The following CFAP91 variants were observed in gnomAD, a reference collection of about 807,000 sequenced individuals.
CFAP91 encodes the protein cilia- and flagella-associated protein 91.
CFAP91 carries 85 observed loss-of-function variants against 95.9 expected under a neutral mutation model. The observed-to-expected ratio is 0.89, with a 90% CI of 0.74 to 1.06. CFAP91 has a LOEUF of 1.06. CFAP91 is among the 50% of genes least tolerant of loss of function. CFAP91 has a pLI of 0.00. For synonymous variants in CFAP91, 335 were observed against 327.5 expected (o/e 1.02, Z -0.25); for missense variants, 962 against 943.4 (o/e 1.02, Z -0.26).
At chr3:119,724,466 A>G (rs897756300) in intron 6 of CFAP91, among the ~76,000 whole-genome samples, 1 of 152,126 alleles carries the variant, frequency 6.6e-6, no homozygotes, top group Non-Finnish European at 1.5e-5. Flanking sequence ...TATGATTTTC[A>G]TAGTTATTTT....
In CFAP91 at chr3:119,740,544, T is replaced by TA. The variant is rs750654298; in HGVS notation, c.1534-4dup. The TA allele has an allele frequency of 1.0e-5, 16 of 1,605,150 alleles. No homozygotes were observed. The South Asian group carries it at 1.7e-4, about 17-fold the overall frequency. On this transcript the variant is annotated splice_region_variant and splice_polypyrimidine_tract_variant and intron_variant, in intron 12 of 17. Transcript: ENST00000273390. ...CAGGTCTGTCTTTGATTTGATTTGATACAGATGTTTGAAGGGAAAGAAAAG... is the reference window on the plus strand; with the variant it reads ...CAGGTCTGTCTTTGATTTGATTTGATAACAGATGTTTGAAGGGAAAGAAAAG...
chr3:119,703,651 TTTG>T (rs531257802), intron 1 of CFAP91, among the ~76,000 whole-genome samples: 7 of 152,276 alleles, frequency 4.6e-5, no homozygotes, highest in African/African-American at 7.2e-5. Context: ...TTTTAGGTTT[TTTG>T]TTGTTGTTGT....
In CFAP91 at chr3:119,747,007, T is replaced by C. The variant is rs552822178; in HGVS notation, c.1903-108T>C. ...GATTAGTGAAGGGACTGTTGACTTA[T>C]TAAATGAAATATATGAGCTAGAAAA... is the stretch of plus-strand genomic sequence containing the variant. On this transcript the variant is annotated intron_variant, in intron 14 of 17. Coordinates refer to ENST00000273390, the MANE Select transcript of CFAP91 (RefSeq NM_033364.4). The C allele has an allele frequency of 2.2e-5, 18 of 828,658 alleles. No homozygotes were observed. The South Asian group carries it at 3.3e-4, about 15-fold the overall frequency. 51.3% of individuals were successfully genotyped at this position (828,658 alleles called of 1,614,324 possible).
intron 1 of CFAP91, among the ~76,000 whole-genome samples, chr3:119,704,903 A>T (rs546648768): frequency 1.3e-5 from 2 of 152,376 alleles, no homozygotes; most frequent in Admixed American, 1.3e-4. Flanking sequence ...TATTCAGTAC[A>T]ATAACATGCT....
intron 5 of CFAP91, among the ~76,000 whole-genome samples, chr3:119,711,510 C>T (rs930809569): frequency 1.3e-5 from 2 of 152,212 alleles, no homozygotes; most frequent in African/African-American, 4.8e-5. Context: ...ACCATGACCT[C>T]CCCAACTCCT....
At chr3:119,741,433 G>T (rs903855383) in intron 13 of CFAP91, among the ~76,000 whole-genome samples, 1 of 152,162 alleles carries the variant, frequency 6.6e-6, no homozygotes, top group African/African-American at 2.4e-5. Context: ...GCTCATGCTG[G>T]TTAAACTGCA....
chr3:119,737,338 G>T, intron 10 of CFAP91, 28 bp from the exon 11 acceptor site: 1 of 1,367,074 alleles, frequency 7.3e-7, no homozygotes, highest in African/African-American at 1.5e-5. Context: ...GTTAAAAAAA[G>T]AGATTATATT....
intron 10 of CFAP91, among the ~76,000 whole-genome samples, chr3:119,736,061 A>G (rs998105809): frequency 2.0e-5 from 3 of 151,762 alleles, no homozygotes; most frequent in African/African-American, 2.4e-5. Context: ...AGCGGGGGGA[A>G]TGTAATTCGC....
chr3:119,709,748 T>C lies in CFAP91; in HGVS notation c.444-91T>C, dbSNP rs1262934147. On this transcript the variant is annotated intron_variant, in intron 4 of 17. Transcript: ENST00000273390. ...TATATGGGATATTTAAGCTCACTGA[T>C]TTTTAAGGGACAAATATTAGAGCTG... 5 of 981,094 alleles carry C rather than the reference T, an allele frequency of 5.1e-6. No homozygotes were observed. The African/African-American group carries it at 8.1e-5, about 16-fold the overall frequency. The allele number at this position is 981,094 out of a possible 1,614,324, so 60.8% of individuals were successfully genotyped here. A position where few individuals can be genotyped will look rare whatever the true frequency, so the allele number is the denominator to read the frequency against.
At chr3:119,750,614 A>G in intron 16 of CFAP91, 1 of 337,810 alleles carries the variant, frequency 3.0e-6, no homozygotes, top group African/African-American at 2.1e-5. Flanking sequence ...GTACAAACTC[A>G]AGTGCGGTAA....
At chr3:119,740,453 T>C (rs2054093536) in intron 12 of CFAP91, 96 bp from the exon 13 acceptor site, 1 of 1,411,094 alleles carries the variant, frequency 7.1e-7, no homozygotes, top group Non-Finnish European at 9.8e-7. Context: ...GAACCCACTG[T>C]TCACAAGTGT....
At chr3:119,726,113 A>G in intron 6 of CFAP91, 58 bp from the exon 7 acceptor site, 1 of 1,453,294 alleles carries the variant, frequency 6.9e-7, no homozygotes, top group East Asian at 2.3e-5. Flanking sequence ...TTAATTATAT[A>G]CTGGGGGGTG....
intron 17 of CFAP91, among the ~76,000 whole-genome samples, chr3:119,764,265 C>T (rs143141649): frequency 1.3e-5 from 2 of 152,198 alleles, no homozygotes; most frequent in African/African-American, 4.8e-5. Flanking sequence ...TCAGGACATT[C>T]ATAAGCAGGG....
chr3:119,715,248 AG>A (rs1458060078), intron 5 of CFAP91: 18 of 421,520 alleles, frequency 4.3e-5, no homozygotes, highest in African/African-American at 3.6e-4. Context: ...CAGGTTCAGA[AG>A]TGCTGTACAG....
rs546569659 is a variant in CFAP91, at chr3:119,732,505, G to A, written c.1201+29G>A. On this transcript the variant is annotated intron_variant, in intron 9 of 17. Transcript: ENST00000273390. ...AGCAATTTACATAATTAGAAATCCA[G>A]TATAAGAAGGTTGTCTCAGAAATAT... 11 of 1,374,064 alleles carry A rather than the reference G, an allele frequency of 8.0e-6. No homozygotes were observed. The South Asian group carries it at 1.3e-4, about 16-fold the overall frequency. 85.1% of individuals were successfully genotyped at this position (1,374,064 alleles called of 1,614,324 possible). A position where few individuals can be genotyped will look rare whatever the true frequency, so the allele number is the denominator to read the frequency against.
At chr3:119,721,968 G>T (rs2053693467) in intron 6 of CFAP91, among the ~76,000 whole-genome samples, 1 of 152,060 alleles carries the variant, frequency 6.6e-6, no homozygotes, top group African/African-American at 2.4e-5. Flanking sequence ...TTGAGGCCAG[G>T]AGTTTGAGAC....
chr3:119,728,750 T>C (rs1244199076), intron 7 of CFAP91, among the ~76,000 whole-genome samples: 1 of 152,226 alleles, frequency 6.6e-6, no homozygotes, highest in Non-Finnish European at 1.5e-5. Flanking sequence ...GAGGCCCTGC[T>C]TTTCCTTTGT....
intron 11 of CFAP91, among the ~76,000 whole-genome samples, chr3:119,739,049 G>A (rs758131020): frequency 6.6e-6 from 1 of 152,132 alleles, no homozygotes; most frequent in South Asian, 2.1e-4. Context: ...AATATGATTT[G>A]TTAATGATGA....
At chr3:119,754,499 C>T (rs530895215) in intron 17 of CFAP91, among the ~76,000 whole-genome samples, 22 of 152,318 alleles carry the variant, frequency 1.4e-4, no homozygotes, top group Non-Finnish European at 2.6e-4. Context: ...GGTTAACAGA[C>T]ATTTGATAAG....
Sources: allele counts gnomAD v4.1 joint callset (sites outside exome capture counted in the v4.1 genomes callset), GRCh38; gene constraint gnomAD v4.1.1; transcripts MANE v1.5; gene names NCBI Gene and HGNC (gene_info 2026-07-23, HGNC 2026-07-21).